FSTL5: variants seen among roughly 807,000 people sequenced by gnomAD.
FSTL5 encodes the protein follistatin-related protein 5.
FSTL5 carries 62 observed loss-of-function variants against 89.1 expected under a neutral mutation model. The observed-to-expected ratio is 0.70, with a 90% CI of 0.57 to 0.86. FSTL5 has a LOEUF of 0.86. Among genes scored for constraint, FSTL5 ranks in the 40% least tolerant of loss-of-function variants. The pLI, the probability that FSTL5 is intolerant of heterozygous loss-of-function variation, is 0.00. For synonymous variants in FSTL5, 383 were observed against 346.2 expected (o/e 1.11, Z -1.18); for missense variants, 1,057 against 1,001.6 (o/e 1.06, Z -0.75).
intron 5 of FSTL5, among the ~76,000 whole-genome samples, chr4:161,771,721 T>C (rs1741217427): frequency 6.6e-6 from 1 of 152,174 alleles, no homozygotes; most frequent in South Asian, 2.1e-4. Flanking sequence ...TACTAAGTGT[T>C]TTAAAATCAA....
At chr4:161,399,197 A>G (rs1329173237) in intron 15 of FSTL5, among the ~76,000 whole-genome samples, 3 of 152,098 alleles carry the variant, frequency 2.0e-5, no homozygotes, top group Non-Finnish European at 4.4e-5. Flanking sequence ...TGACCCCTTA[A>G]CAACATAGGG....
intron 15 of FSTL5, among the ~76,000 whole-genome samples, chr4:161,412,627 T>C (rs1017339342): frequency 7.2e-5 from 11 of 152,128 alleles, no homozygotes; most frequent in African/African-American, 2.7e-4. Flanking sequence ...TGTGCATGTG[T>C]ACCCTAGAAC....
chr4:161,589,411 G>A (rs530421604), intron 7 of FSTL5, among the ~76,000 whole-genome samples: 18 of 152,158 alleles, frequency 1.2e-4, no homozygotes, highest in African/African-American at 4.1e-4. Flanking sequence ...TCGAACTCCT[G>A]ACCTCAGGTG....
intron 15 of FSTL5, among the ~76,000 whole-genome samples, chr4:161,429,031 TACC>T (rs1173107309): frequency 1.3e-5 from 2 of 152,158 alleles, no homozygotes; most frequent in East Asian, 3.9e-4. Context: ...TAGCAGCACT[TACC>T]ACAAGCTTAC....
At chr4:161,430,119 C>T (rs1732303835) in intron 15 of FSTL5, among the ~76,000 whole-genome samples, 1 of 151,700 alleles carries the variant, frequency 6.6e-6, no homozygotes, top group Non-Finnish European at 1.5e-5. Flanking sequence ...GCATCAAAGT[C>T]TCTTAATAGC....
intron 6 of FSTL5, among the ~76,000 whole-genome samples, chr4:161,708,606 A>G (rs535408369): frequency 8.6e-4 from 131 of 152,084 alleles, no homozygotes; most frequent in African/African-American, 3.0e-3. Context: ...ATTTATATAA[A>G]TTATTTTAAA....
intron 6 of FSTL5, among the ~76,000 whole-genome samples, chr4:161,683,811 T>C (rs1416570507): frequency 2.0e-5 from 3 of 152,156 alleles, no homozygotes; most frequent in African/African-American, 2.4e-5. Context: ...GTAAGTTCTT[T>C]AGTGGTGATT....
At chr4:162,093,959 TATATC>T (rs556231839) in intron 2 of FSTL5, among the ~76,000 whole-genome samples, 14 of 152,184 alleles carry the variant, frequency 9.2e-5, no homozygotes, top group Non-Finnish European at 1.9e-4. Flanking sequence ...GCAGCAATAA[TATATC>T]ATCTGCTCAC....
chr4:161,404,656 A>G lies in FSTL5; in HGVS notation c.1842-18207T>C, dbSNP rs569441328. 1.8e-4 allele frequency among the ~76,000 whole-genome samples: 28 copies of G among 152,224 alleles called. No individual in the cohort carries two copies. In the South Asian group the frequency reaches 5.8e-3, roughly 32 times the overall value. On this transcript the variant is annotated intron_variant, in intron 15 of 15. Transcript: ENST00000306100. ...CTAAAGAAACTAAGATTTAAATGAC[A>G]GTACGTAACAATAAAAAAAAATTTT... is the stretch of plus-strand genomic sequence containing the variant.
At chr4:161,526,376 T>C (rs1731219901) in intron 10 of FSTL5, among the ~76,000 whole-genome samples, 1 of 152,192 alleles carries the variant, frequency 6.6e-6, no homozygotes. Context: ...AAGGATGTAT[T>C]ATTCTTTACA....
intron 3 of FSTL5, among the ~76,000 whole-genome samples, chr4:161,960,541 T>C (rs530835214): frequency 6.6e-6 from 1 of 152,108 alleles, no homozygotes; most frequent in East Asian, 1.9e-4. Context: ...AATTATAGAG[T>C]ACTAAGATGT....
chr4:161,607,862 G>T (rs1214022334), intron 7 of FSTL5, among the ~76,000 whole-genome samples: 1 of 152,068 alleles, frequency 6.6e-6, no homozygotes, highest in Non-Finnish European at 1.5e-5. Context: ...GTTTCCTTAA[G>T]CTATAGTGGA....
intron 6 of FSTL5, among the ~76,000 whole-genome samples, chr4:161,732,685 G>C (rs916569695): frequency 2.0e-5 from 3 of 151,896 alleles, no homozygotes; most frequent in African/African-American, 4.8e-5. Context: ...TGTGAGGTAA[G>C]GATTAAAGTG....
intron 6 of FSTL5, among the ~76,000 whole-genome samples, chr4:161,750,862 A>G (rs1349512184): frequency 6.6e-6 from 1 of 152,208 alleles, no homozygotes; most frequent in Non-Finnish European, 1.5e-5. Context: ...TATATGGTAC[A>G]GTGTGGAAAA....
intron 15 of FSTL5, among the ~76,000 whole-genome samples, chr4:161,412,802 C>T (rs1210913313): frequency 6.6e-6 from 1 of 151,978 alleles, no homozygotes; most frequent in African/African-American, 2.4e-5. Flanking sequence ...GCCAAGAAAA[C>T]AAAAAAGCAA....
intron 3 of FSTL5, among the ~76,000 whole-genome samples, chr4:161,922,759 C>T (rs905281000): frequency 2.6e-5 from 4 of 151,852 alleles, no homozygotes; most frequent in African/African-American, 4.8e-5. Context: ...TTAATGCTAT[C>T]ATCAAAACCT....
At chr4:161,673,443 T>C (rs1737190116) in intron 6 of FSTL5, among the ~76,000 whole-genome samples, 2 of 152,056 alleles carry the variant, frequency 1.3e-5, no homozygotes, top group African/African-American at 4.8e-5. Context: ...AAAAATTAAA[T>C]ACATTTCTTC....
At chr4:162,119,961 T>G (rs1731789927) in intron 1 of FSTL5, among the ~76,000 whole-genome samples, 1 of 152,132 alleles carries the variant, frequency 6.6e-6, no homozygotes, top group Admixed American at 6.5e-5. Context: ...CACAGTACAC[T>G]TTTTTTCTTA....
intron 4 of FSTL5, among the ~76,000 whole-genome samples, chr4:161,904,747 CTTAT>C (rs1015657938): frequency 2.6e-5 from 4 of 151,752 alleles, no homozygotes; most frequent in African/African-American, 9.7e-5. Flanking sequence ...AATGTGCCTT[CTTAT>C]TTAATTTGTT....
Sources: gnomAD v4.1 joint callset for allele counts (sites outside exome capture counted in the v4.1 genomes callset) on GRCh38, gnomAD v4.1.1 for gene constraint, MANE v1.5 for transcripts, NCBI Gene and HGNC (gene_info 2026-07-23, HGNC 2026-07-21) for gene names.